Variants in NFS1 observed in about 807,000 individuals in gnomAD.
NFS1 encodes the protein cysteine desulfurase.
In NFS1, 26 loss-of-function variants were observed where a neutral mutation model predicts 57.3. The observed-to-expected ratio is 0.45, with a 90% CI of 0.33 to 0.63. NFS1 has a LOEUF of 0.63. NFS1 is among the 20% of genes least tolerant of loss of function. The pLI is 0.02. For missense variants in NFS1, 505 were observed against 605.8 expected (o/e 0.83, Z 1.75); for synonymous variants, 209 against 216.3 (o/e 0.97, Z 0.30).
chr20:35,685,634 G>A (rs1046720695), intron 5 of NFS1, among the ~76,000 whole-genome samples: 3 of 148,314 alleles, frequency 2.0e-5, no homozygotes, highest in Non-Finnish European at 4.4e-5. Flanking sequence ...CGAGACAGGC[G>A]GATCACCTGA....
rs1333200059 is a variant in NFS1 at position 35,698,729 on chromosome 20, A to C, written c.98-139T>G. The C allele has an allele frequency of 2.1e-6, 3 of 1,418,488 alleles. No individual in the cohort carries two copies. In the African/African-American group the frequency reaches 4.4e-5, roughly 21 times the overall value. The allele number at this position is 1,418,488 out of a possible 1,614,324, so 87.9% of individuals were successfully genotyped here. A position where few individuals can be genotyped will look rare whatever the true frequency, so the allele number is the denominator to read the frequency against. On this transcript the variant is annotated intron_variant, in intron 1 of 12. Coordinates refer to ENST00000374092, the MANE Select transcript of NFS1 (RefSeq NM_021100.5). ...CTAGGGTCGAATCTCAATGGAAAGA[A>C]AACAACACCAGATACCTGACACGCT...
intron 5 of NFS1, among the ~76,000 whole-genome samples, chr20:35,689,584 T>C (rs2035006097): frequency 1.3e-5 from 2 of 151,522 alleles, no homozygotes; most frequent in South Asian, 2.1e-4. Context: ...CTGGCTAACA[T>C]GGTGAAACCC....
chr20:35,673,106 G>A (rs933355692), intron 11 of NFS1, among the ~76,000 whole-genome samples: 9 of 152,074 alleles, frequency 5.9e-5, no homozygotes, highest in Non-Finnish European at 1.2e-4. Context: ...TGGCCAACAT[G>A]GTGAAACCCC....
At chr20:35,681,292 G>A (rs763036369) in intron 6 of NFS1, among the ~76,000 whole-genome samples, 1 of 152,058 alleles carries the variant, frequency 6.6e-6, no homozygotes, top group Non-Finnish European at 1.5e-5. Flanking sequence ...AAATTACAGG[G>A]CGATCTCTAT....
At chr20:35,680,162 G>C (rs372751292) in intron 7 of NFS1, among the ~76,000 whole-genome samples, 1 of 152,130 alleles carries the variant, frequency 6.6e-6, no homozygotes, top group Admixed American at 6.5e-5. Flanking sequence ...AAAATTAGCC[G>C]GGCGTAGTGG....
At position 35,673,642 on chromosome 20, in the gene NFS1, T is replaced by C; in HGVS notation, c.1179A>G (p.Arg393=). Residue 393 remains arginine (R), a synonymous_variant, in exon 11 of 13, where the codon AGA becomes AGG. Transcript: ENST00000374092. ...SASLEPSYVL[R]AIGTDEDLAH... ...CTAAATCCTCATCAGTGCCAATTGC[T>C]CTAAGCACATAAGAGGGCTCCAGGG... The C allele has an allele frequency of 6.2e-7, 1 of 1,613,978 alleles. No individual in the cohort carries two copies. Among genetic ancestry groups the C allele is most frequent in the Non-Finnish European group, 8.5e-7 (1 of 1,179,972 alleles).
At chr20:35,692,822 C>T (rs1446308754) in intron 4 of NFS1, among the ~76,000 whole-genome samples, 2 of 151,858 alleles carry the variant, frequency 1.3e-5, no homozygotes, top group African/African-American at 4.8e-5. Flanking sequence ...GTCAACATGG[C>T]GAAACCCCGT....
Position 35,699,139 on chromosome 20 carries a change from G to A in NFS1, c.97+53C>T. 7.3e-7 allele frequency: 1 copy of A among 1,370,114 alleles called. No homozygotes were observed. The highest frequency in any genetic ancestry group is 9.4e-7 in the Non-Finnish European group (1 of 1,068,676). The allele number at this position is 1,370,114 out of a possible 1,614,324, so 84.9% of individuals were successfully genotyped here. A position where few individuals can be genotyped will look rare whatever the true frequency, so the allele number is the denominator to read the frequency against. On this transcript the variant is annotated intron_variant, in intron 1 of 12. Coordinates refer to ENST00000374092, the MANE Select transcript of NFS1 (RefSeq NM_021100.5). The surrounding 1 kb of genome is among the most constrained non-coding windows in gnomAD (Gnocchi z 4.4). Reference sequence around the variant, plus strand: ...AGGCTCCGGAATATTCAGTTGCGTCGCCGCGCGGAGGGGACAGGTCCGCGC... The same window carrying A: ...AGGCTCCGGAATATTCAGTTGCGTCACCGCGCGGAGGGGACAGGTCCGCGC...
At chr20:35,672,720 T>C in intron 12 of NFS1, 35 bp downstream of exon 12, 1 of 1,449,108 alleles carries the variant, frequency 6.9e-7, no homozygotes, top group Non-Finnish European at 9.7e-7. Context: ...AGTGCTAGAG[T>C]TTCTTCCAAA....
Position 35,686,311 on chromosome 20 carries a change from T to C in NFS1, c.561+4102A>G, listed in dbSNP as rs1255859250. 5.0e-5 allele frequency among the ~76,000 whole-genome samples: 7 copies of C among 139,000 alleles called. 1 individual carries two copies. In the South Asian group the frequency reaches 1.1e-3, roughly 22 times the overall value. The allele number at this position is 139,000 out of a possible 152,430, so 91.2% of individuals were successfully genotyped here. A position where few individuals can be genotyped will look rare whatever the true frequency, so the allele number is the denominator to read the frequency against. The stretch of plus-strand genomic sequence containing the variant: ...GTTGTGGTGAGCAGAGAGCATGCCA[T>C]TGCACTCCAGCCTGGGCAATAAGAG... On this transcript the variant is annotated intron_variant, in intron 5 of 12. Coordinates refer to ENST00000374092, the MANE Select transcript of NFS1 (RefSeq NM_021100.5).
At chr20:35,697,238 A>C (rs1192373239) in intron 3 of NFS1, among the ~76,000 whole-genome samples, 1 of 152,098 alleles carries the variant, frequency 6.6e-6, no homozygotes, top group Non-Finnish European at 1.5e-5. Flanking sequence ...CAGAGGTTGC[A>C]GTGAGCCAAG....
At chr20:35,692,977 G>A (rs1370907293) in intron 4 of NFS1, among the ~76,000 whole-genome samples, 2 of 151,572 alleles carry the variant, frequency 1.3e-5, no homozygotes, top group Admixed American at 6.6e-5. Context: ...ACTCCAGCCT[G>A]GGTGACACAG....
At chr20:35,674,943 C>A in intron 8 of NFS1, 102 bp downstream of exon 8, 3 of 1,497,888 alleles carry the variant, frequency 2.0e-6, no homozygotes, top group Non-Finnish European at 2.8e-6. Flanking sequence ...TTCTTAAGCC[C>A]TCTCTCCCTG....
At chr20:35,673,086 G>A (rs779536398) in intron 11 of NFS1, among the ~76,000 whole-genome samples, 7 of 152,062 alleles carry the variant, frequency 4.6e-5, no homozygotes, top group Admixed American at 2.0e-4. Context: ...TTGGGAGTTC[G>A]AGACCAGCCT....
intron 12 of NFS1, 125 bp from the exon 13 acceptor site, chr20:35,669,810 G>A: frequency 1.2e-6 from 1 of 840,330 alleles, no homozygotes; most frequent in Non-Finnish European, 2.0e-6. Flanking sequence ...TCTTGCCCTG[G>A]TAGACCCTAA....
In NFS1 at chr20:35,668,614, C is replaced by T. The variant is rs957224469; in HGVS notation, c.*1008G>A. ...TATAAGCACTACCTCCTCAGAAAAA[C>T]TTTCCTCAAACACCCAGCATGGTAG... On this transcript the variant is annotated 3_prime_UTR_variant, in exon 13 of 13. Coordinates refer to ENST00000374092, the MANE Select transcript of NFS1 (RefSeq NM_021100.5). 6.6e-6 allele frequency: 1 copy of T among 152,194 alleles called. No individual in the cohort carries two copies. Among genetic ancestry groups the T allele is most frequent in the Middle Eastern group, 3.2e-3 (1 of 316 alleles). The allele number at this position is 152,194 out of a possible 1,614,324, so 9.4% of individuals were successfully genotyped here. A position where few individuals can be genotyped will look rare whatever the true frequency, so the allele number is the denominator to read the frequency against.
rs2035023735 is a variant in NFS1 at position 35,690,483 on chromosome 20, C to T, written c.491G>A (p.Arg164His). Residue 164 changes from arginine to histidine, a missense_variant, in exon 5 of 13, where the codon CGT (arginine) becomes CAT (histidine). By Grantham distance (29) the Arg-to-His change is conservative. Coordinates refer to ENST00000374092, the MANE Select transcript of NFS1 (RefSeq NM_021100.5). Reference protein sequence around the residue: ...TEHKCVLDSCRSLEAEGFQVT... With the variant: ...TEHKCVLDSCHSLEAEGFQVT... Reference sequence around the variant, plus strand: ...CTGAAAGCCCTCAGCTTCCAGTGAACGGCAGGAGTCCAAGACACATTTGTG... The same window carrying T: ...CTGAAAGCCCTCAGCTTCCAGTGAATGGCAGGAGTCCAAGACACATTTGTG... The T allele has an allele frequency of 3.1e-6, 5 of 1,613,892 alleles. No homozygotes were observed. Among genetic ancestry groups the T allele is most frequent in the Non-Finnish European group, 4.2e-6 (5 of 1,179,946 alleles).
Position 35,668,159 on chromosome 20 carries a change from TA to T in NFS1, c.*1462del, listed in dbSNP as rs1225818761. On this transcript the variant is annotated 3_prime_UTR_variant, in exon 13 of 13. Transcript: ENST00000374092. The stretch of plus-strand genomic sequence containing the variant: ...CTAAAATTATTCTAAGTAAAAAAGA[TA>T]TTTTTCAACAAGAAAAATTCTATAA... The T allele has an allele frequency of 6.6e-6, 1 of 152,248 alleles. No homozygotes were observed. The allele number at this position is 152,248 out of a possible 1,614,324, so 9.4% of individuals were successfully genotyped here. A position where few individuals can be genotyped will look rare whatever the true frequency, so the allele number is the denominator to read the frequency against.
intron 4 of NFS1, among the ~76,000 whole-genome samples, chr20:35,693,536 C>A (rs1042976627): frequency 5.3e-5 from 8 of 152,052 alleles, no homozygotes; most frequent in African/African-American, 1.9e-4. Flanking sequence ...CCTTTAACAG[C>A]AGAATAAAAA....
Sources: gnomAD v4.1 joint callset for allele counts (sites outside exome capture counted in the v4.1 genomes callset) on GRCh38, gnomAD v4.1.1 for gene constraint, Gnocchi (gnomAD v3.1) non-coding constraint, MANE v1.5 for transcripts, NCBI Gene and HGNC (gene_info 2026-07-23, HGNC 2026-07-21) for gene names.